Variants in ANKRD17 observed in about 807,000 individuals in gnomAD.
The protein encoded by ANKRD17 is ankyrin repeat domain 17, also known as ankyrin repeat domain-containing protein 17.
ANKRD17 carries 19 observed loss-of-function variants against 229.7 expected under a neutral mutation model. The ratio of observed to expected loss-of-function variants is 0.08; its 90% CI spans 0.06 to 0.12. ANKRD17 has a LOEUF of 0.12. ANKRD17 is among the 10% of genes least tolerant of loss of function. The pLI, the probability that ANKRD17 is intolerant of heterozygous loss-of-function variation, is 1.00. For synonymous variants in ANKRD17, 1,112 were observed against 1,146.1 expected (o/e 0.97, Z 0.60); for missense variants, 2,176 against 3,176.8 (o/e 0.68, Z 7.57).
Position 73,102,537 on chromosome 4 carries a change from T to C in ANKRD17, c.4412A>G (p.Glu1471Gly). Residue 1471 changes from glutamate to glycine, a missense_variant, in exon 25 of 34, where the codon GAA becomes GGA. Transcript: ENST00000358602. ...EELDLEKLREESRRLALAAKR... is the reference protein window; with the variant it reads ...EELDLEKLREGSRRLALAAKR... ...CGCAGCCAAAGCCAGCCTCCGACTTTCTTCCCTTAACTGTTAAAGATCAAT... is the reference window on the plus strand; with the variant it reads ...CGCAGCCAAAGCCAGCCTCCGACTTCCTTCCCTTAACTGTTAAAGATCAAT... 6.3e-7 allele frequency: 1 copy of C among 1,598,438 alleles called. No homozygotes were observed. The highest frequency in any genetic ancestry group is 8.5e-7 in the Non-Finnish European group (1 of 1,176,980).
At position 73,190,817 on chromosome 4, in the gene ANKRD17, A is replaced by T. The variant is rs551637915; in HGVS notation, c.394-13284T>A. Among the ~76,000 whole-genome samples the T allele has an allele frequency of 1.9e-3, 286 of 152,170 alleles. 1 individual carries two copies. The highest frequency in any genetic ancestry group is 6.6e-3 in the African/African-American group (274 of 41,554). On this transcript the variant is annotated intron_variant, in intron 1 of 33. Coordinates refer to ENST00000358602, the MANE Select transcript of ANKRD17 (RefSeq NM_032217.5). The stretch of plus-strand genomic sequence containing the variant: ...AATTCACAACAACAAAAACAAAAAA[A>T]ATCCAGGAATACACCTAACAAGAAA...
intron 6 of ANKRD17, 96 bp downstream of exon 6, chr4:73,153,784 C>T: frequency 3.4e-6 from 3 of 873,980 alleles, no homozygotes; most frequent in South Asian, 2.8e-5. Flanking sequence ...TATATACTAT[C>T]ATTGTTTTAT....
intron 7 of ANKRD17, 116 bp from the exon 8 acceptor site, chr4:73,149,166 T>C (rs1448167622): frequency 1.3e-6 from 1 of 779,816 alleles, no homozygotes; most frequent in African/African-American, 1.8e-5. Flanking sequence ...CAAAAAGGAA[T>C]AGAGCTACAT....
chr4:73,172,301 C>T (rs1340763122), intron 2 of ANKRD17, among the ~76,000 whole-genome samples: 1 of 152,106 alleles, frequency 6.6e-6, no homozygotes, highest in Non-Finnish European at 1.5e-5. Flanking sequence ...AAATTTTATC[C>T]TATAATAGTA....
At chr4:73,132,449 G>C (rs1728342582) in intron 16 of ANKRD17, among the ~76,000 whole-genome samples, 1 of 152,028 alleles carries the variant, frequency 6.6e-6, no homozygotes, top group Non-Finnish European at 1.5e-5. Context: ...AAAATTAAAG[G>C]AGAAAAATGG....
At chr4:73,225,133 C>A (rs1578457123) in intron 1 of ANKRD17, among the ~76,000 whole-genome samples, 1 of 152,272 alleles carries the variant, frequency 6.6e-6, no homozygotes, top group East Asian at 1.9e-4. Flanking sequence ...TACAAACTGG[C>A]TTTTGTTATT....
intron 29 of ANKRD17, among the ~76,000 whole-genome samples, chr4:73,088,664 T>A (rs1263647863): frequency 1.3e-5 from 2 of 152,226 alleles, no homozygotes; most frequent in Admixed American, 6.5e-5. Context: ...AAATAAATTA[T>A]TTTTCATAGT....
chr4:73,104,833 A>G (rs916397632), intron 24 of ANKRD17, among the ~76,000 whole-genome samples: 1 of 152,048 alleles, frequency 6.6e-6, no homozygotes, highest in African/African-American at 2.4e-5. Context: ...ATTTAAGCCC[A>G]TATGTCCTAG....
chr4:73,240,183 A>G (rs1298782620), intron 1 of ANKRD17, among the ~76,000 whole-genome samples: 1 of 152,166 alleles, frequency 6.6e-6, no homozygotes, highest in African/African-American at 2.4e-5. Context: ...ATCAGTAAGA[A>G]CACTATATAG....
Position 73,199,491 on chromosome 4 carries a change from T to A in ANKRD17, c.394-21958A>T, listed in dbSNP as rs537944968. Among the ~76,000 whole-genome samples, 39 of 152,276 alleles carry A rather than the reference T, an allele frequency of 2.6e-4. No homozygotes were observed. In the Middle Eastern group the frequency reaches 0.014, roughly 53 times the overall value. ...CTTCAAAACATCAACTGTAGAGGCATACCTCAGAAATTTAACAATTACAGT... is the reference window on the plus strand; with the variant it reads ...CTTCAAAACATCAACTGTAGAGGCAAACCTCAGAAATTTAACAATTACAGT... On this transcript the variant is annotated intron_variant, in intron 1 of 33. Coordinates refer to ENST00000358602, the MANE Select transcript of ANKRD17 (RefSeq NM_032217.5).
At chr4:73,166,096 A>C (rs1306865915) in intron 2 of ANKRD17, among the ~76,000 whole-genome samples, 2 of 152,232 alleles carry the variant, frequency 1.3e-5, no homozygotes, top group Non-Finnish European at 2.9e-5. Context: ...GTAAATTGTT[A>C]TGCTGCAATA....
intron 11 of ANKRD17, among the ~76,000 whole-genome samples, chr4:73,144,403 G>C (rs1729982163): frequency 6.6e-6 from 1 of 152,154 alleles, no homozygotes; most frequent in African/African-American, 2.4e-5. Context: ...AACTTTTTTA[G>C]TGGCAGAAAC....
At chr4:73,182,006 C>A (rs1229895304) in intron 1 of ANKRD17, among the ~76,000 whole-genome samples, 2 of 120,528 alleles carry the variant, frequency 1.7e-5, no homozygotes, top group African/African-American at 6.5e-5. Context: ...CGAGATCGAG[C>A]CACTGCACTC....
At chr4:73,194,406 C>A (rs1223386358) in intron 1 of ANKRD17, among the ~76,000 whole-genome samples, 1 of 152,172 alleles carries the variant, frequency 6.6e-6, no homozygotes, top group African/African-American at 2.4e-5. Context: ...TATGTATCTT[C>A]CCTAGACTAT....
At chr4:73,095,398 C>T (rs373061028) in intron 27 of ANKRD17, among the ~76,000 whole-genome samples, 158 of 151,760 alleles carry the variant, frequency 1.0e-3, no homozygotes, top group African/African-American at 3.6e-3. Flanking sequence ...GTCAGGAGTT[C>T]AAGACCAGCC....
chr4:73,158,206 GA>G (rs1434894553), intron 3 of ANKRD17, among the ~76,000 whole-genome samples: 1 of 151,940 alleles, frequency 6.6e-6, no homozygotes, highest in Non-Finnish European at 1.5e-5. Context: ...AAGAAAGAAA[GA>G]AAAGTAGAAC....
intron 1 of ANKRD17, among the ~76,000 whole-genome samples, chr4:73,219,215 C>A (rs1741530131): frequency 1.3e-5 from 2 of 152,152 alleles, no homozygotes; most frequent in Admixed American, 1.3e-4. Flanking sequence ...CTAAGAGTTA[C>A]TACAACTTTT....
chr4:73,161,396 C>T, intron 2 of ANKRD17, 48 bp from the exon 3 acceptor site: 1 of 1,590,434 alleles, frequency 6.3e-7, no homozygotes. Context: ...AAAGGAGAAA[C>T]AAAGCAAAAT....
At chr4:73,095,694 A>T (rs1723219712) in intron 27 of ANKRD17, among the ~76,000 whole-genome samples, 1 of 149,730 alleles carries the variant, frequency 6.7e-6, no homozygotes, top group African/African-American at 2.5e-5. Context: ...GATTTCCTTT[A>T]TTATTATTTT....
Sources: gnomAD v4.1 joint callset for allele counts (sites outside exome capture counted in the v4.1 genomes callset) on GRCh38, gnomAD v4.1.1 for gene constraint, MANE v1.5 for transcripts, NCBI Gene and HGNC (gene_info 2026-07-23, HGNC 2026-07-21) for gene names.